CNTNAP2: variants seen among roughly 807,000 people sequenced by gnomAD.
CNTNAP2 encodes contactin associated protein 2.
Under a neutral mutation model 155.2 loss-of-function variants are expected in CNTNAP2, and 98 were observed. The observed-to-expected ratio is 0.63, with a 90% confidence interval of 0.54 to 0.75. The LOEUF is 0.75. CNTNAP2 is among the 30% of genes least tolerant of loss of function. The pLI is 0.00. For synonymous variants in CNTNAP2, 651 were observed against 631.2 expected (o/e 1.03, Z -0.47); for missense variants, 1,727 against 1,688.1 (o/e 1.02, Z -0.40).
intron 23 of CNTNAP2, among the ~76,000 whole-genome samples, chr7:148,413,246 G>C (rs1799885135): frequency 6.6e-6 from 1 of 150,770 alleles, no homozygotes; most frequent in Admixed American, 6.6e-5. Flanking sequence ...ATAAAAATCA[G>C]CTGGGCGTAC....
At chr7:146,716,897 A>C in intron 1 of CNTNAP2, among the ~76,000 whole-genome samples, 1 of 152,224 alleles carries the variant, frequency 6.6e-6, no homozygotes, top group South Asian at 2.1e-4. Context: ...GTATTTGATA[A>C]TAAAATGTCT....
intron 12 of CNTNAP2, among the ~76,000 whole-genome samples, chr7:147,581,857 AT>A (rs1457798486): frequency 1.3e-5 from 2 of 152,164 alleles, no homozygotes; most frequent in Non-Finnish European, 2.9e-5. Context: ...CTAAATAAAT[AT>A]TTCTAATTGA....
intron 9 of CNTNAP2, among the ~76,000 whole-genome samples, chr7:147,324,704 T>C (rs1279220056): frequency 6.6e-6 from 1 of 152,228 alleles, no homozygotes; most frequent in Non-Finnish European, 1.5e-5. Context: ...TTTTTTTTTC[T>C]AGTTTATCAT....
intron 1 of CNTNAP2, among the ~76,000 whole-genome samples, chr7:146,589,669 G>A (rs1198347623): frequency 1.3e-5 from 2 of 151,672 alleles, no homozygotes; most frequent in Admixed American, 6.6e-5. Flanking sequence ...GATGAGTGCA[G>A]CAAACCACCA....
chr7:146,378,361 C>T (rs1347558309), intron 1 of CNTNAP2, among the ~76,000 whole-genome samples: 1 of 152,080 alleles, frequency 6.6e-6, no homozygotes, highest in Non-Finnish European at 1.5e-5. Context: ...AGTTAAGAAC[C>T]ACTGCCTTAG....
intron 21 of CNTNAP2, among the ~76,000 whole-genome samples, chr7:148,336,125 A>G (rs1220219911): frequency 6.6e-6 from 1 of 152,216 alleles, no homozygotes; most frequent in East Asian, 1.9e-4. Flanking sequence ...AAAAACTTGA[A>G]GAACATTTAT....
intron 1 of CNTNAP2, among the ~76,000 whole-genome samples, chr7:146,515,546 C>G (rs1273951949): frequency 6.6e-6 from 1 of 151,780 alleles, no homozygotes; most frequent in African/African-American, 2.4e-5. Context: ...AGAGTGATGC[C>G]AAATTGTTGC....
chr7:146,155,685 C>T (rs1015623443), intron 1 of CNTNAP2, among the ~76,000 whole-genome samples: 4 of 146,752 alleles, frequency 2.7e-5, no homozygotes, highest in Admixed American at 6.9e-5. Flanking sequence ...AAAACAATAT[C>T]ATTATTATTA....
chr7:148,067,225 T>G (rs113461091), intron 15 of CNTNAP2, among the ~76,000 whole-genome samples: 1,573 of 152,322 alleles, frequency 0.01, 27 homozygotes, highest in African/African-American at 0.036. Context: ...CTCATTTGGG[T>G]AGACCATTTC....
intron 1 of CNTNAP2, among the ~76,000 whole-genome samples, chr7:146,503,155 T>C (rs181609175): frequency 6.6e-6 from 1 of 152,340 alleles, no homozygotes; most frequent in Admixed American, 6.5e-5. Flanking sequence ...TTAATTTTAT[T>C]GATTATTTCC....
chr7:146,836,020 C>T (rs940641305), intron 2 of CNTNAP2, among the ~76,000 whole-genome samples: 2 of 151,880 alleles, frequency 1.3e-5, no homozygotes, highest in African/African-American at 4.8e-5. Context: ...CCAGGAAATT[C>T]CTGAAGAGGA....
At position 146,956,199 on chromosome 7, in the gene CNTNAP2, A is replaced by G. The variant is rs117134747; in HGVS notation, c.403-87708A>G. 2.0e-4 allele frequency among the ~76,000 whole-genome samples: 31 copies of G among 152,254 alleles called. No homozygotes were observed. The East Asian group carries it at 5.8e-3, about 28-fold the overall frequency. ...TTATGTTTAGACTTGGTATTAAAAA[A>G]TGAAGATGTAAACAATTCAGTTAGG... On this transcript the variant is annotated intron_variant, in intron 3 of 23. Transcript: ENST00000361727.
chr7:147,561,271 C>T (rs1235204085), intron 11 of CNTNAP2, among the ~76,000 whole-genome samples: 1 of 152,154 alleles, frequency 6.6e-6, no homozygotes, highest in East Asian at 1.9e-4. Flanking sequence ...GCTTTTGTAT[C>T]AGGTTGACAT....
chr7:148,259,063 C>T (rs1485797921), intron 20 of CNTNAP2, among the ~76,000 whole-genome samples: 1 of 151,394 alleles, frequency 6.6e-6, no homozygotes, highest in Non-Finnish European at 1.5e-5. Context: ...GTAATCCCAG[C>T]TACTTGGGAG....
chr7:146,753,114 C>T (rs1705833784), intron 1 of CNTNAP2, among the ~76,000 whole-genome samples: 1 of 152,082 alleles, frequency 6.6e-6, no homozygotes. Context: ...TAAATAAATT[C>T]TACTGTCATT....
intron 11 of CNTNAP2, among the ~76,000 whole-genome samples, chr7:147,547,924 A>T (rs572004963): frequency 6.6e-6 from 1 of 152,206 alleles, no homozygotes; most frequent in South Asian, 2.1e-4. Flanking sequence ...TATGTCCCTG[A>T]AAAGGACATA....
chr7:147,484,539 A>T (rs1321289236), intron 10 of CNTNAP2, among the ~76,000 whole-genome samples: 1 of 152,202 alleles, frequency 6.6e-6, no homozygotes, highest in African/African-American at 2.4e-5. Context: ...AGTCGTAGTC[A>T]TCTTCTATTT....
intron 15 of CNTNAP2, among the ~76,000 whole-genome samples, chr7:147,998,472 G>A (rs554626489): frequency 1.1e-4 from 16 of 152,244 alleles, no homozygotes; most frequent in Non-Finnish European, 2.2e-4. Flanking sequence ...ATACAGAGGC[G>A]TGACCGATGA....
chr7:147,457,404 C>T (rs1563211314), intron 10 of CNTNAP2, among the ~76,000 whole-genome samples: 1 of 152,174 alleles, frequency 6.6e-6, no homozygotes. Flanking sequence ...TCCTACATCG[C>T]TGATCACTTG....
Sources: gnomAD v4.1 joint callset for allele counts (sites outside exome capture counted in the v4.1 genomes callset) on GRCh38, gnomAD v4.1.1 for gene constraint, MANE v1.5 for transcripts, NCBI Gene and HGNC (gene_info 2026-07-23, HGNC 2026-07-21) for gene names.